The following RIMS2 variants were observed in gnomAD, a reference collection of about 807,000 sequenced individuals.
RIMS2 encodes regulating synaptic membrane exocytosis 2.
Under a neutral mutation model 174.4 loss-of-function variants are expected in RIMS2, and 59 were observed. The observed-to-expected ratio is 0.34, with a 90% CI of 0.27 to 0.42. The LOEUF (loss-of-function observed/expected upper bound fraction) is 0.42, where lower values mean the gene tolerates loss of function less well. Ranked by LOEUF, RIMS2 falls within the 10% of genes least tolerant of loss-of-function variation. RIMS2 has a pLI of 1.00. For missense variants in RIMS2, 1,620 were observed against 1,666.3 expected (o/e 0.97, Z 0.48); for synonymous variants, 606 against 572.5 (o/e 1.06, Z -0.84).
Position 103,890,260 on chromosome 8 carries a change from G to A in RIMS2, c.1624+4037G>A, listed in dbSNP as rs186906602. On this transcript the variant is annotated intron_variant, in intron 4 of 23. Transcript: ENST00000504942. Reference sequence around the variant, plus strand: ...TAAACTGAATGAAGCTTGTTTTCAGGGTGGAAAGAGTATGCTTAACTTGTT... The same window carrying A: ...TAAACTGAATGAAGCTTGTTTTCAGAGTGGAAAGAGTATGCTTAACTTGTT... Among the ~76,000 whole-genome samples the A allele has an allele frequency of 1.9e-3, 292 of 152,002 alleles. 5 individuals carry two copies. The highest frequency in any genetic ancestry group is 0.018 in the Admixed American group (267 of 15,224).
At chr8:103,945,456 C>T (rs1268053365) in intron 14 of RIMS2, among the ~76,000 whole-genome samples, 1 of 152,022 alleles carries the variant, frequency 6.6e-6, no homozygotes, top group African/African-American at 2.4e-5. Context: ...GTATTTTCCT[C>T]ATACCAAAGT....
chr8:103,964,991 G>A (rs2091416581), intron 15 of RIMS2, among the ~76,000 whole-genome samples: 2 of 152,234 alleles, frequency 1.3e-5, no homozygotes, highest in African/African-American at 2.4e-5. Flanking sequence ...TTTCTAGGCT[G>A]TCTATATGTT....
chr8:103,985,723 CTG>C (rs1306000519), intron 16 of RIMS2, among the ~76,000 whole-genome samples: 1 of 152,044 alleles, frequency 6.6e-6, no homozygotes, highest in Non-Finnish European at 1.5e-5. Context: ...TGGAATGAAA[CTG>C]TCATCAACAG....
chr8:103,817,156 T>C (rs1041706101), intron 3 of RIMS2, among the ~76,000 whole-genome samples: 2 of 152,170 alleles, frequency 1.3e-5, no homozygotes, highest in Admixed American at 6.5e-5. Flanking sequence ...GGCTTAAAAA[T>C]TAAAGCACCT....
At chr8:103,666,552 G>A (rs553114698) in intron 1 of RIMS2, among the ~76,000 whole-genome samples, 1 of 152,170 alleles carries the variant, frequency 6.6e-6, no homozygotes, top group Non-Finnish European at 1.5e-5. Flanking sequence ...GTAAAAGGTA[G>A]CCTAGAGGAG....
At chr8:104,012,556 A>G (rs1216797381) in intron 17 of RIMS2, among the ~76,000 whole-genome samples, 1 of 152,028 alleles carries the variant, frequency 6.6e-6, no homozygotes, top group African/African-American at 2.4e-5. Flanking sequence ...ATACTTTGAC[A>G]TATGTTTTAC....
intron 3 of RIMS2, among the ~76,000 whole-genome samples, chr8:103,795,595 TAAG>T (rs572573372): frequency 2.0e-4 from 30 of 151,732 alleles, no homozygotes; most frequent in South Asian, 1.7e-3. Context: ...TGATGAAAAA[TAAG>T]AAGTACAAAG....
intron 3 of RIMS2, among the ~76,000 whole-genome samples, chr8:103,882,827 A>G (rs938262139): frequency 6.6e-6 from 1 of 151,704 alleles, no homozygotes; most frequent in African/African-American, 2.4e-5. Context: ...TCTGTAAGAT[A>G]AAATATAATC....
chr8:103,894,071 T>C (rs1335767741), intron 4 of RIMS2, among the ~76,000 whole-genome samples: 1 of 152,036 alleles, frequency 6.6e-6, no homozygotes, highest in African/African-American at 2.4e-5. Context: ...GAAAGCAAAG[T>C]CCAGAAAAAT....
At chr8:103,750,447 C>T (rs1392469314) in intron 2 of RIMS2, among the ~76,000 whole-genome samples, 2 of 151,980 alleles carry the variant, frequency 1.3e-5, no homozygotes, top group African/African-American at 4.8e-5. Flanking sequence ...TTTAAAATAA[C>T]AAAGAGTGTA....
intron 3 of RIMS2, among the ~76,000 whole-genome samples, chr8:103,854,929 A>G (rs1230924252): frequency 6.6e-6 from 1 of 151,968 alleles, no homozygotes; most frequent in Non-Finnish European, 1.5e-5. Flanking sequence ...TTTCATTAGG[A>G]TTGGTATTAG....
chr8:104,077,901 G>A (rs146318908), intron 19 of RIMS2, among the ~76,000 whole-genome samples: 7 of 151,610 alleles, frequency 4.6e-5, no homozygotes, highest in African/African-American at 7.3e-5. Context: ...CCAGCACTTC[G>A]GGAGGCCAAG....
At chr8:104,201,158 T>TG (rs2099052908) in intron 19 of RIMS2, among the ~76,000 whole-genome samples, 1 of 152,046 alleles carries the variant, frequency 6.6e-6, no homozygotes, top group Non-Finnish European at 1.5e-5. Context: ...TAGGCCCTGG[T>TG]GTCTATTGTT....
At chr8:103,605,697 A>G (rs1340863997) in intron 1 of RIMS2, among the ~76,000 whole-genome samples, 3 of 152,216 alleles carry the variant, frequency 2.0e-5, no homozygotes, top group East Asian at 1.9e-4. Context: ...TGATCTGTTC[A>G]GAGATTCAAC....
chr8:104,016,727 AT>A (rs1325522686), intron 19 of RIMS2, among the ~76,000 whole-genome samples: 1 of 152,076 alleles, frequency 6.6e-6, no homozygotes, highest in Admixed American at 6.6e-5. Context: ...ATTTATGCAC[AT>A]TTTTAAAATT....
At chr8:104,222,688 T>C (rs2099160997) in intron 19 of RIMS2, among the ~76,000 whole-genome samples, 1 of 152,200 alleles carries the variant, frequency 6.6e-6, no homozygotes, top group South Asian at 2.1e-4. Context: ...TTTGCCCTAG[T>C]ATGTTTGTGT....
chr8:104,109,857 T>C (rs996161752), intron 19 of RIMS2, among the ~76,000 whole-genome samples: 1 of 152,242 alleles, frequency 6.6e-6, no homozygotes, highest in Non-Finnish European at 1.5e-5. Flanking sequence ...TTTGATATGG[T>C]TGACCTTTAG....
At chr8:103,917,473 C>T (rs1357494438) in intron 8 of RIMS2, among the ~76,000 whole-genome samples, 1 of 152,000 alleles carries the variant, frequency 6.6e-6, no homozygotes. Flanking sequence ...AACTGCAGTG[C>T]ATAAGATTTG....
chr8:103,991,742 T>C (rs749217239), intron 17 of RIMS2, among the ~76,000 whole-genome samples: 12 of 152,184 alleles, frequency 7.9e-5, no homozygotes, highest in Non-Finnish European at 1.8e-4. Context: ...ATATATTTTA[T>C]TGAATCTTTT....
Sources: allele counts gnomAD v4.1 joint callset (sites outside exome capture counted in the v4.1 genomes callset), GRCh38; gene constraint gnomAD v4.1.1; transcripts MANE v1.5; gene names NCBI Gene and HGNC (gene_info 2026-07-23, HGNC 2026-07-21).